Variants in MEF2A observed in about 807,000 individuals in gnomAD.
MEF2A encodes myocyte enhancer factor 2A, also known as myocyte-specific enhancer factor 2A.
Under a neutral mutation model 55.8 loss-of-function variants are expected in MEF2A, and 28 were observed. The ratio of observed to expected loss-of-function variants is 0.50; its 90% CI spans 0.37 to 0.69. MEF2A has a LOEUF of 0.69. MEF2A is among the 30% of genes least tolerant of loss of function. The probability of loss-of-function intolerance (pLI) is 0.00; values close to 1 mark genes in which losing one functional copy is unlikely to be tolerated. For synonymous variants in MEF2A, 239 were observed against 227.1 expected (o/e 1.05, Z -0.47); for missense variants, 528 against 626.2 (o/e 0.84, Z 1.67).
chr15:99,674,831 A>G lies in MEF2A; in HGVS notation c.610+219A>G, dbSNP rs182332590. Reference sequence around the variant, plus strand: ...GAACAGTACTGAGAACCTGCCATTTATATGCTTTCCTTCTCATGGGAAAGC... The same window carrying G: ...GAACAGTACTGAGAACCTGCCATTTGTATGCTTTCCTTCTCATGGGAAAGC... On this transcript the variant is annotated intron_variant, in intron 6 of 11. Coordinates refer to ENST00000557942, the MANE Select transcript of MEF2A (RefSeq NM_001319206.4). Among the ~76,000 whole-genome samples, 11 of 152,302 alleles carry G rather than the reference A, an allele frequency of 7.2e-5. No homozygotes were observed. The East Asian group carries it at 1.9e-3, about 27-fold the overall frequency.
At chr15:99,575,810 C>G (rs186242732) in intron 1 of MEF2A, among the ~76,000 whole-genome samples, 18 of 152,240 alleles carry the variant, frequency 1.2e-4, no homozygotes, top group Admixed American at 4.6e-4. Flanking sequence ...TAAAGAAGAC[C>G]TTGTCCTATT....
At chr15:99,656,307 T>C (rs2153543001) in intron 4 of MEF2A, among the ~76,000 whole-genome samples, 1 of 152,144 alleles carries the variant, frequency 6.6e-6, no homozygotes, top group East Asian at 1.9e-4. Context: ...GAGAAGTAAA[T>C]GTACTTAAAA....
At chr15:99,680,784 G>A (rs1349340725) in intron 7 of MEF2A, among the ~76,000 whole-genome samples, 3 of 151,944 alleles carry the variant, frequency 2.0e-5, no homozygotes, top group Non-Finnish European at 4.4e-5. Flanking sequence ...TAAGATGGTG[G>A]GACTGTGTTT....
At chr15:99,643,454 A>G (rs2045389550) in intron 3 of MEF2A, among the ~76,000 whole-genome samples, 1 of 151,960 alleles carries the variant, frequency 6.6e-6, no homozygotes, top group East Asian at 1.9e-4. Context: ...AAGTGATAGT[A>G]TTTTTCATTC....
At chr15:99,595,704 C>A (rs1007997638) in intron 1 of MEF2A, among the ~76,000 whole-genome samples, 5 of 152,078 alleles carry the variant, frequency 3.3e-5, no homozygotes, top group Admixed American at 3.3e-4. Context: ...AATTTTACCC[C>A]CTGGGAGTGA....
intron 7 of MEF2A, among the ~76,000 whole-genome samples, chr15:99,684,184 T>C (rs979290045): frequency 6.6e-6 from 1 of 152,210 alleles, no homozygotes; most frequent in Non-Finnish European, 1.5e-5. Flanking sequence ...TATAAACATG[T>C]GTGCGCAAGT....
At chr15:99,618,524 A>G (rs1339708865) in intron 2 of MEF2A, among the ~76,000 whole-genome samples, 1 of 152,230 alleles carries the variant, frequency 6.6e-6, no homozygotes, top group Non-Finnish European at 1.5e-5. Context: ...ATTGAATTTG[A>G]TAACTGTGCA....
intron 1 of MEF2A, among the ~76,000 whole-genome samples, chr15:99,578,055 A>G (rs1368355173): frequency 6.6e-6 from 1 of 152,136 alleles, no homozygotes; most frequent in Non-Finnish European, 1.5e-5. Context: ...GTAGTTGATA[A>G]ATATTTTGGG....
At chr15:99,691,139 T>C (rs1597190099) in intron 8 of MEF2A, among the ~76,000 whole-genome samples, 1 of 126,658 alleles carries the variant, frequency 7.9e-6, no homozygotes, top group Non-Finnish European at 1.6e-5. Context: ...AGGAGTGAAA[T>C]TTAGTAGCCA....
intron 4 of MEF2A, among the ~76,000 whole-genome samples, chr15:99,653,217 C>T (rs766799538): frequency 1.3e-5 from 2 of 152,142 alleles, no homozygotes; most frequent in African/African-American, 2.4e-5. Flanking sequence ...TTTCAGTTCT[C>T]TTATATATAG....
chr15:99,624,444 G>T (rs116594241), intron 2 of MEF2A, among the ~76,000 whole-genome samples: 1 of 152,038 alleles, frequency 6.6e-6, no homozygotes, highest in African/African-American at 2.4e-5. Context: ...AGACTGTCCC[G>T]CATTGAATGG....
At chr15:99,686,025 C>T (rs1476754026) in intron 7 of MEF2A, among the ~76,000 whole-genome samples, 1 of 152,026 alleles carries the variant, frequency 6.6e-6, no homozygotes, top group African/African-American at 2.4e-5. Flanking sequence ...TTATTTCTTC[C>T]TCATTTAACC....
At position 99,684,585 on chromosome 15, in the gene MEF2A, C is replaced by T. The variant is rs192619380; in HGVS notation, c.671-5656C>T. On this transcript the variant is annotated intron_variant, in intron 7 of 11. Coordinates refer to ENST00000557942, the MANE Select transcript of MEF2A (RefSeq NM_001319206.4). ...GTTTTTTTCTTGCTGATTTGAGTTC[C>T]TTGTAGATTCTGGATATTAGTCCTT... is the stretch of plus-strand genomic sequence containing the variant. 2.0e-3 allele frequency among the ~76,000 whole-genome samples: 300 copies of T among 152,178 alleles called. 1 individual carries two copies. Among genetic ancestry groups the T allele is most frequent in the African/African-American group, 6.9e-3 (287 of 41,530 alleles).
intron 7 of MEF2A, among the ~76,000 whole-genome samples, chr15:99,677,944 C>G (rs985490924): frequency 6.6e-6 from 1 of 151,978 alleles, no homozygotes; most frequent in Non-Finnish European, 1.5e-5. Flanking sequence ...TGATCTCATA[C>G]GTGCTTTTGT....
chr15:99,664,079 G>A (rs2049146136), intron 4 of MEF2A, among the ~76,000 whole-genome samples: 1 of 152,206 alleles, frequency 6.6e-6, no homozygotes, highest in African/African-American at 2.4e-5. Flanking sequence ...ACCAACAACA[G>A]TAATTAATCA....
chr15:99,632,928 G>T, intron 2 of MEF2A, 50 bp from the exon 3 acceptor site: 1 of 486,546 alleles, frequency 2.1e-6, no homozygotes, highest in Non-Finnish European at 3.7e-6. Flanking sequence ...ACACTTACAT[G>T]ATTTGTAAAC....
intron 1 of MEF2A, among the ~76,000 whole-genome samples, chr15:99,585,358 C>CT (rs1362918782): frequency 6.6e-6 from 1 of 152,144 alleles, no homozygotes; most frequent in Admixed American, 6.5e-5. Context: ...TGTATAATCA[C>CT]TTTCTTCCTT....
At chr15:99,623,311 G>A (rs973366118) in intron 2 of MEF2A, among the ~76,000 whole-genome samples, 21 of 152,158 alleles carry the variant, frequency 1.4e-4, no homozygotes, top group African/African-American at 4.8e-4. Flanking sequence ...CCCACAGGTG[G>A]ACATTCAGGT....
intron 8 of MEF2A, among the ~76,000 whole-genome samples, chr15:99,698,245 A>G (rs960937001): frequency 1.3e-5 from 2 of 152,224 alleles, no homozygotes; most frequent in African/African-American, 2.4e-5. Context: ...GACAACCTAC[A>G]GATTAGAAGA....
Sources: allele counts gnomAD v4.1 joint callset (sites outside exome capture counted in the v4.1 genomes callset), GRCh38; gene constraint gnomAD v4.1.1; transcripts MANE v1.5; gene names NCBI Gene and HGNC (gene_info 2026-07-23, HGNC 2026-07-21).